NAPEPLD: variants seen among roughly 807,000 people sequenced by gnomAD.
The protein encoded by NAPEPLD is N-acyl phosphatidylethanolamine phospholipase D, also known as N-acyl-phosphatidylethanolamine-hydrolyzing phospholipase D.
NAPEPLD carries 23 observed loss-of-function variants against 38.1 expected under a neutral mutation model. That is an observed-to-expected ratio of 0.60 (90% confidence interval 0.43 to 0.86). The LOEUF (loss-of-function observed/expected upper bound fraction) is 0.86. NAPEPLD is among the 40% of genes least tolerant of loss of function. The pLI, the probability that NAPEPLD is intolerant of heterozygous loss-of-function variation, is 0.00. For synonymous variants in NAPEPLD, 147 were observed against 162.0 expected (o/e 0.91, Z 0.71); for missense variants, 411 against 476.8 (o/e 0.86, Z 1.28).
At chr7:103,122,098 G>A (rs1563356855) in intron 2 of NAPEPLD, among the ~76,000 whole-genome samples, 1 of 151,448 alleles carries the variant, frequency 6.6e-6, no homozygotes, top group Non-Finnish European at 1.5e-5. Context: ...CAATGAGGAA[G>A]CATCTTTTTT....
At chr7:103,141,606 A>G (rs1056298598) in intron 1 of NAPEPLD, 1 of 926,820 alleles carries the variant, frequency 1.1e-6, no homozygotes. Context: ...ATCTTCTTAG[A>G]TTCACGGTAT....
At chr7:103,137,649 G>A (rs1438746062) in intron 1 of NAPEPLD, among the ~76,000 whole-genome samples, 2 of 151,892 alleles carry the variant, frequency 1.3e-5, no homozygotes, top group Middle Eastern at 3.2e-3. Flanking sequence ...ATATACATAA[G>A]TATTTAATTG....
chr7:103,149,143 C>G (rs1289944703), upstream of NAPEPLD: 2 of 988,860 alleles, frequency 2.0e-6, no homozygotes, highest in African/African-American at 3.5e-5. Flanking sequence ...GCAGAGAGGT[C>G]ACAGAGCACA....
Position 103,128,779 on chromosome 7 carries a change from C to G in NAPEPLD, c.-3G>C. ...TGGTTGCTTTCATTTTCATCCATGT[C>G]CTTTGGTGAAGAACTAAAAAAAACA... On this transcript the variant is annotated 5_prime_UTR_variant, in exon 2 of 5. Transcript: ENST00000465647. 6.2e-7 allele frequency: 1 copy of G among 1,605,276 alleles called. No individual in the cohort carries two copies. The highest frequency in any genetic ancestry group is 8.5e-7 in the Non-Finnish European group (1 of 1,177,394).
chr7:103,108,470 A>T (rs6465893), intron 4 of NAPEPLD, among the ~76,000 whole-genome samples: 133,232 of 152,180 alleles, frequency 0.88, 61,052 homozygotes, highest in East Asian at 1. Context: ...TTCAACCCAG[A>T]ATTTCATATG....
chr7:103,115,238 T>G, intron 3 of NAPEPLD, 64 bp from the exon 4 acceptor site: 1 of 1,225,492 alleles, frequency 8.2e-7, no homozygotes, highest in Non-Finnish European at 1.2e-6. Flanking sequence ...CTAAAATCTG[T>G]TTCACTTAAC....
rs554629959 is a variant in NAPEPLD, at chr7:103,100,408, A to G, written c.*3021T>C. 6.6e-6 allele frequency: 1 copy of G among 152,340 alleles called. No homozygotes were observed. Among genetic ancestry groups the G allele is most frequent in the East Asian group, 1.9e-4 (1 of 5,186 alleles). The allele number at this position is 152,340 out of a possible 1,614,324, so 9.4% of individuals were successfully genotyped here. On this transcript the variant is annotated 3_prime_UTR_variant, in exon 5 of 5. Transcript: ENST00000465647. ...AATAATCACACTCCCTAGAGATCAG[A>G]GCATTGAGTCTGAAATGTCAAAATG... is the stretch of plus-strand genomic sequence containing the variant.
Position 103,119,960 on chromosome 7 carries a change from G to T in NAPEPLD, c.558C>A (p.Asn186Lys), listed in dbSNP as rs1243048725. Residue 186 changes from asparagine to lysine, a missense_variant, in exon 3 of 5, where the codon AAC becomes AAA. Asn to Lys is a moderately conservative substitution (Grantham distance 94). Transcript: ENST00000465647. The stretch of plus-strand genomic sequence containing the variant: ...AATTGTAGTCCAGATGGTCATAGTG[G>T]TTGTGACTGATAAGGACCGCATCTA... Reference protein sequence around the residue: ...PPIDAVLISHNHYDHLDYNSV... With the variant: ...PPIDAVLISHKHYDHLDYNSV... The T allele has an allele frequency of 6.2e-7, 1 of 1,614,214 alleles. No homozygotes were observed. The highest frequency in any genetic ancestry group is 1.7e-5 in the Admixed American group (1 of 60,018).
chr7:103,106,067 T>TA (rs1768334318), intron 4 of NAPEPLD, among the ~76,000 whole-genome samples: 1 of 151,792 alleles, frequency 6.6e-6, no homozygotes, highest in South Asian at 2.1e-4. Flanking sequence ...TAGGGCTGGT[T>TA]AGACAGTGGG....
At chr7:103,124,390 G>A (rs954522758) in intron 2 of NAPEPLD, among the ~76,000 whole-genome samples, 10 of 151,914 alleles carry the variant, frequency 6.6e-5, no homozygotes, top group Non-Finnish European at 1.2e-4. Context: ...CCCAGGAGGC[G>A]AAGGTTGCAG....
chr7:103,125,123 C>T (rs1186550925), intron 2 of NAPEPLD, among the ~76,000 whole-genome samples: 1 of 152,108 alleles, frequency 6.6e-6, no homozygotes, highest in Non-Finnish European at 1.5e-5. Flanking sequence ...ACATTTTCAC[C>T]ATCTTAGAAA....
At chr7:103,145,715 T>G (rs1812401772) in intron 1 of NAPEPLD, among the ~76,000 whole-genome samples, 1 of 152,158 alleles carries the variant, frequency 6.6e-6, no homozygotes. Flanking sequence ...TTACATGACA[T>G]TCCAAGGATC....
At chr7:103,147,947 A>G in intron 1 of NAPEPLD, 2 of 967,680 alleles carry the variant, frequency 2.1e-6, no homozygotes, top group Non-Finnish European at 2.5e-6. Flanking sequence ...ATTATTTTAA[A>G]TAAGTACTTT....
In NAPEPLD at chr7:103,103,434, A is replaced by G; in HGVS notation, c.1177T>C (p.Phe393Leu). The G allele has an allele frequency of 6.4e-7, 1 of 1,556,302 alleles. No homozygotes were observed. Among genetic ancestry groups the G allele is most frequent in the Non-Finnish European group, 8.6e-7 (1 of 1,161,304 alleles). ...AGTGCCTGTGCTCACATTTATTAAA[A>G]GTTTTCATCATCATTATTTAGGTAT... Reference protein sequence around the residue: ...SRYLNNDDENF With the variant: ...SRYLNNDDENL The change falls in exon 5 of 5, where the codon TTT becomes CTT. Residue 393 changes from phenylalanine (F) to leucine (L), a missense_variant. By Grantham distance (22) the Phe-to-Leu change is conservative. Coordinates refer to ENST00000465647, the MANE Select transcript of NAPEPLD (RefSeq NM_001122838.3).
intron 4 of NAPEPLD, among the ~76,000 whole-genome samples, chr7:103,107,995 G>C (rs1205893406): frequency 6.6e-6 from 1 of 152,130 alleles, no homozygotes; most frequent in Non-Finnish European, 1.5e-5. Flanking sequence ...AGGGCAACCA[G>C]AGAGAAACTT....
intron 4 of NAPEPLD, among the ~76,000 whole-genome samples, chr7:103,113,050 T>C (rs1804846319): frequency 6.6e-6 from 1 of 152,210 alleles, no homozygotes; most frequent in Admixed American, 6.5e-5. Context: ...AACCAGCTAT[T>C]GAAGCTAAAA....
At chr7:103,104,402 G>A (rs1204948987) in intron 4 of NAPEPLD, among the ~76,000 whole-genome samples, 1 of 152,124 alleles carries the variant, frequency 6.6e-6, no homozygotes, top group Non-Finnish European at 1.5e-5. Context: ...TGACTTCTAC[G>A]GCACGCACTG....
intron 1 of NAPEPLD, among the ~76,000 whole-genome samples, chr7:103,140,610 G>A (rs576325213): frequency 5.3e-4 from 81 of 152,060 alleles, no homozygotes; most frequent in South Asian, 4.4e-3. Context: ...AGCCAGGACG[G>A]TCTCAATCTC....
chr7:103,106,314 C>T lies in NAPEPLD; in HGVS notation c.1057-2760G>A, dbSNP rs1341069981. Among the ~76,000 whole-genome samples the T allele has an allele frequency of 4.6e-5, 7 of 151,916 alleles. No individual in the cohort carries two copies. In the South Asian group the frequency reaches 1.0e-3, roughly 23 times the overall value. ...CCTGGGTTTCAAGCACAAAACTGGG[C>T]GGCAATTTGGGCAGACACCAAACTA... On this transcript the variant is annotated intron_variant, in intron 4 of 4. Coordinates refer to ENST00000465647, the MANE Select transcript of NAPEPLD (RefSeq NM_001122838.3).
Sources: allele counts gnomAD v4.1 joint callset (sites outside exome capture counted in the v4.1 genomes callset), GRCh38; gene constraint gnomAD v4.1.1; transcripts MANE v1.5; gene names NCBI Gene and HGNC (gene_info 2026-07-23, HGNC 2026-07-21).